DPP10: variants seen among roughly 807,000 people sequenced by gnomAD.
DPP10 encodes dipeptidyl peptidase like 10, also known as inactive dipeptidyl peptidase 10.
A neutral mutation model predicts 120.9 loss-of-function variants in DPP10; 33 were observed. That is an observed-to-expected ratio of 0.27 (90% CI 0.21 to 0.37). The LOEUF (loss-of-function observed/expected upper bound fraction) is 0.37. DPP10 is among the 10% of genes least tolerant of loss of function. The pLI is 1.00. For synonymous variants in DPP10, 337 were observed against 326.1 expected, an observed-to-expected ratio of 1.03 and a Z score of -0.36; for missense variants, 816 against 942.8, an observed-to-expected ratio of 0.87 and a Z score of 1.76.
At chr2:115,631,495 T>A (rs1429269838) in intron 5 of DPP10, among the ~76,000 whole-genome samples, 1 of 152,140 alleles carries the variant, frequency 6.6e-6, no homozygotes, top group Admixed American at 6.6e-5. Flanking sequence ...CTTTTAGTTG[T>A]GATTTTAGGA....
chr2:115,302,682 A>G (rs1025145896), intron 1 of DPP10, among the ~76,000 whole-genome samples: 2 of 152,128 alleles, frequency 1.3e-5, no homozygotes, highest in Admixed American at 6.6e-5. Flanking sequence ...TGGCATTTCT[A>G]ACAAGCTTCC....
chr2:115,096,898 T>C (rs2048427059), intron 1 of DPP10, among the ~76,000 whole-genome samples: 1 of 152,166 alleles, frequency 6.6e-6, no homozygotes, highest in South Asian at 2.1e-4. Context: ...TTGTAAAAAG[T>C]TTTAAGAATA....
At chr2:115,469,613 C>T (rs1277643555) in intron 3 of DPP10, among the ~76,000 whole-genome samples, 1 of 152,122 alleles carries the variant, frequency 6.6e-6, no homozygotes, top group Non-Finnish European at 1.5e-5. Context: ...AGACTAGTTT[C>T]CGAGGCTGAG....
intron 1 of DPP10, among the ~76,000 whole-genome samples, chr2:115,242,384 CCA>C (rs1273044987): frequency 2.6e-5 from 4 of 151,838 alleles, no homozygotes; most frequent in Non-Finnish European, 5.9e-5. Context: ...TGTATATATC[CCA>C]CAGTTTTTTT....
At chr2:115,228,493 C>A (rs1013404495) in intron 1 of DPP10, among the ~76,000 whole-genome samples, 1 of 151,960 alleles carries the variant, frequency 6.6e-6, no homozygotes, top group African/African-American at 2.4e-5. Flanking sequence ...TAACAAAACC[C>A]GCTTCAATCC....
rs1317602648 is a variant in DPP10 at position 115,813,610 on chromosome 2, A to G, written c.1701-1183A>G. Reference sequence around the variant, plus strand: ...CATAATTCAGCCCCTAACAGCTTTTAATAAATTTTAGTTGCTCTGTGTTTT... The same window carrying G: ...CATAATTCAGCCCCTAACAGCTTTTGATAAATTTTAGTTGCTCTGTGTTTT... On this transcript the variant is annotated intron_variant, in intron 19 of 25. Transcript: ENST00000410059. Among the ~76,000 whole-genome samples the G allele has an allele frequency of 4.6e-5, 7 of 152,318 alleles. No individual in the cohort carries two copies. In the South Asian group the frequency reaches 1.2e-3, roughly 27 times the overall value.
intron 3 of DPP10, among the ~76,000 whole-genome samples, chr2:115,462,501 G>C (rs776476125): frequency 7.2e-5 from 11 of 151,922 alleles, no homozygotes; most frequent in Non-Finnish European, 1.6e-4. Context: ...ACACCTCCAT[G>C]GTATGACATG....
At chr2:114,492,459 A>G (rs924675097) in intron 1 of DPP10, among the ~76,000 whole-genome samples, 2 of 152,166 alleles carry the variant, frequency 1.3e-5, no homozygotes, top group Non-Finnish European at 2.9e-5. Context: ...CAACTAAAAA[A>G]TAAATAAAAG....
chr2:114,767,827 AG>A (rs1680872678), intron 1 of DPP10, among the ~76,000 whole-genome samples: 1 of 152,176 alleles, frequency 6.6e-6, no homozygotes, highest in Non-Finnish European at 1.5e-5. Flanking sequence ...CTATCTTCAA[AG>A]TTCTCAGAGA....
chr2:114,951,571 A>G (rs1697787543), intron 1 of DPP10, among the ~76,000 whole-genome samples: 1 of 152,206 alleles, frequency 6.6e-6, no homozygotes, highest in Admixed American at 6.5e-5. Flanking sequence ...CCCTAAAGCT[A>G]GAGTGAAAAA....
chr2:115,506,360 T>C (rs1189621538), intron 4 of DPP10, among the ~76,000 whole-genome samples: 1 of 152,144 alleles, frequency 6.6e-6, no homozygotes, highest in Non-Finnish European at 1.5e-5. Context: ...GAAAGCATTT[T>C]CCCTGTCTCC....
At chr2:115,459,585 A>G (rs1049919316) in intron 3 of DPP10, among the ~76,000 whole-genome samples, 9 of 152,184 alleles carry the variant, frequency 5.9e-5, no homozygotes, top group Admixed American at 5.9e-4. Flanking sequence ...CATAAAATAT[A>G]TACTCAATTT....
intron 5 of DPP10, among the ~76,000 whole-genome samples, chr2:115,665,483 AAGC>A (rs1321076864): frequency 1.3e-5 from 2 of 151,652 alleles, no homozygotes; most frequent in Non-Finnish European, 3.0e-5. Context: ...TTAAAATAAG[AAGC>A]CAAACTTTTA....
intron 1 of DPP10, among the ~76,000 whole-genome samples, chr2:115,029,386 G>C (rs1370980634): frequency 6.6e-6 from 1 of 150,870 alleles, no homozygotes; most frequent in Non-Finnish European, 1.5e-5. Context: ...GAGTATTCTA[G>C]GTTTGTCTGT....
At chr2:115,803,814 A>C (rs529123533) in intron 19 of DPP10, among the ~76,000 whole-genome samples, 2 of 152,078 alleles carry the variant, frequency 1.3e-5, no homozygotes, top group Non-Finnish European at 2.9e-5. Context: ...TTAGTCTGAC[A>C]GGCTTCCCTT....
intron 1 of DPP10, among the ~76,000 whole-genome samples, chr2:115,088,797 A>C (rs2104545619): frequency 6.6e-6 from 1 of 150,576 alleles, no homozygotes; most frequent in Admixed American, 6.6e-5. Flanking sequence ...CCTTAAAACT[A>C]AACAATTTTT....
At chr2:115,226,541 T>C (rs1278062682) in intron 1 of DPP10, among the ~76,000 whole-genome samples, 1 of 152,172 alleles carries the variant, frequency 6.6e-6, no homozygotes, top group Non-Finnish European at 1.5e-5. Flanking sequence ...ATCCACATAG[T>C]CAAGTAAAAC....
At chr2:114,729,513 A>T (rs1451669037) in intron 1 of DPP10, among the ~76,000 whole-genome samples, 1 of 152,216 alleles carries the variant, frequency 6.6e-6, no homozygotes, top group Non-Finnish European at 1.5e-5. Flanking sequence ...ATTTCTTTCC[A>T]TCTGAAATGA....
At chr2:115,142,903 G>T (rs764274627) in intron 1 of DPP10, among the ~76,000 whole-genome samples, 1 of 152,110 alleles carries the variant, frequency 6.6e-6, no homozygotes, top group African/African-American at 2.4e-5. Flanking sequence ...GCTGCTGCTG[G>T]TGGTGGTGGG....
Sources: allele counts gnomAD v4.1 joint callset (sites outside exome capture counted in the v4.1 genomes callset), GRCh38; gene constraint gnomAD v4.1.1; transcripts MANE v1.5; gene names NCBI Gene and HGNC (gene_info 2026-07-23, HGNC 2026-07-21).